Variants in ZNF667 observed in about 807,000 individuals in gnomAD.
The protein encoded by ZNF667 is zinc finger protein 667.
Under a neutral mutation model 31.8 loss-of-function variants are expected in ZNF667, and 13 were observed. That is an observed-to-expected ratio of 0.41 (90% CI 0.27 to 0.65). The LOEUF is 0.65. ZNF667 is among the 30% of genes least tolerant of loss of function. ZNF667 has a pLI of 0.32. For synonymous variants in ZNF667, 228 were observed against 247.1 expected (o/e 0.92, Z 0.73); for missense variants, 642 against 725.6 (o/e 0.88, Z 1.32).
intron 6 of ZNF667, among the ~76,000 whole-genome samples, chr19:56,447,712 C>G (rs1338722578): frequency 1.3e-5 from 2 of 152,098 alleles, no homozygotes; most frequent in Non-Finnish European, 2.9e-5. Flanking sequence ...GAAACCCCAT[C>G]TCTACTAAAA....
In ZNF667 at chr19:56,441,502, G is replaced by A; in HGVS notation, c.1493C>T (p.Pro498Leu). ...RHKRIHTEDR[P>L]YECDQCGKAF... ...CTTCCCACACTGATCACATTCATAG[G>A]GTCTATCTTCAGTATGAATTCTCTT... The change falls in exon 7 of 7, where the codon CCC becomes CTC. Residue 498 changes from proline to leucine, a missense_variant. By Grantham distance (98) the Pro-to-Leu change is moderately conservative (BLOSUM62 -3). Transcript: ENST00000504904. The surrounding 1 kb of genome is among the most constrained non-coding windows in gnomAD (Gnocchi z 4.2). 6.2e-7 allele frequency: 1 copy of A among 1,614,092 alleles called. No individual in the cohort carries two copies. Among genetic ancestry groups the A allele is most frequent in the African/African-American group, 1.3e-5 (1 of 75,008 alleles).
chr19:56,468,387 G>C (rs985863909), intron 3 of ZNF667: 1 of 152,166 alleles, frequency 6.6e-6, no homozygotes, highest in African/African-American at 2.4e-5. Flanking sequence ...TTCAGTGAAA[G>C]GCTCATCAGA....
In ZNF667 at chr19:56,471,963, A is replaced by G. The variant is rs1043984376; in HGVS notation, c.-324T>C. ...CTGAATCATGGGGGCGGTTTCCCCC[A>G]TGCTGTTCTCATGGCAGTGAGTAAG... On this transcript the variant is annotated 5_prime_UTR_variant, in exon 3 of 7. It removes an upstream start codon present in the reference 5' UTR. Transcript: ENST00000504904. 5.3e-5 allele frequency: 8 copies of G among 152,188 alleles called. No homozygotes were observed. The highest frequency in any genetic ancestry group is 2.6e-4 in the Admixed American group (4 of 15,280). 9.4% of individuals were successfully genotyped at this position (152,188 alleles called of 1,614,324 possible).
chr19:56,476,807 G>A (rs1044515040), intron 1 of ZNF667: 2 of 152,792 alleles, frequency 1.3e-5, no homozygotes, highest in African/African-American at 4.8e-5. Context: ...GCCCAGGCAA[G>A]TCACACAGTA....
chr19:56,458,786 C>A (rs1465885741), intron 5 of ZNF667, among the ~76,000 whole-genome samples: 3 of 152,172 alleles, frequency 2.0e-5, no homozygotes, highest in Non-Finnish European at 4.4e-5. Context: ...CATAACTTAC[C>A]CTCTGCATCT....
Position 56,441,515 on chromosome 19 carries a change from T to C in ZNF667, c.1480A>G (p.Thr494Ala), listed in dbSNP as rs1330411481. The C allele has an allele frequency of 1.9e-6, 3 of 1,614,142 alleles. No individual in the cohort carries two copies. The highest frequency in any genetic ancestry group is 3.3e-5 in the Admixed American group (2 of 60,018). ...TCACATTCATAGGGTCTATCTTCAG[T>C]ATGAATTCTCTTATGTCGTGTGAGA... ...ISLTRHKRIH[T>A]EDRPYECDQC... Residue 494 changes from threonine (T) to alanine (A), a missense_variant, in exon 7 of 7, where the codon ACT (threonine) becomes GCT (alanine). Thr to Ala is a moderately conservative substitution (Grantham distance 58). Coordinates refer to ENST00000504904, the MANE Select transcript of ZNF667 (RefSeq NM_001321356.2). This position sits in a 1 kb window ranked among gnomAD's most constrained non-coding sequence, Gnocchi z 4.2.
intron 5 of ZNF667, among the ~76,000 whole-genome samples, chr19:56,459,646 T>C (rs1486274891): frequency 6.6e-6 from 1 of 152,214 alleles, no homozygotes; most frequent in Non-Finnish European, 1.5e-5. Context: ...CTGTGTTACA[T>C]CAATGTCCAC....
intron 5 of ZNF667, among the ~76,000 whole-genome samples, chr19:56,460,206 G>A (rs981172689): frequency 2.0e-5 from 3 of 152,134 alleles, no homozygotes; most frequent in Non-Finnish European, 4.4e-5. Context: ...ACAAAATGTG[G>A]TCTATCCATA....
At position 56,460,768 on chromosome 19, in the gene ZNF667, C is replaced by G; in HGVS notation, c.81G>C (p.Glu27Asp). 6.2e-7 allele frequency: 1 copy of G among 1,612,024 alleles called. No individual in the cohort carries two copies. The highest frequency in any genetic ancestry group is 8.5e-7 in the Non-Finnish European group (1 of 1,179,196). The change falls in exon 5 of 7, where the codon GAG becomes GAC. Residue 27 changes from glutamate (E) to aspartate (D), a missense_variant. Physicochemically the swap from Glu to Asp is conservative, Grantham distance 45. Coordinates refer to ENST00000504904, the MANE Select transcript of ZNF667 (RefSeq NM_001321356.2). Reference protein sequence around the residue: ...GDLAIYFSQEEWEWLSPIQKD... With the variant: ...GDLAIYFSQEDWEWLSPIQKD... ...TCTGAATGGGGCTCAGCCATTCCCACTCCTCCTGGGAGAAGTAGATGGCTA... is the reference window on the plus strand; with the variant it reads ...TCTGAATGGGGCTCAGCCATTCCCAGTCCTCCTGGGAGAAGTAGATGGCTA...
chr19:56,452,532 G>C (rs1181856237), intron 6 of ZNF667, among the ~76,000 whole-genome samples: 1 of 152,008 alleles, frequency 6.6e-6, no homozygotes, highest in African/African-American at 2.4e-5. Flanking sequence ...GCATCTTAAA[G>C]AACTAGAAAA....
intron 6 of ZNF667, among the ~76,000 whole-genome samples, chr19:56,446,117 A>G (rs1479118607): frequency 6.6e-6 from 1 of 152,258 alleles, no homozygotes; most frequent in African/African-American, 2.4e-5. Context: ...CTCACATTAT[A>G]TTTCTATTTC....
chr19:56,452,762 A>C (rs2042858633), intron 6 of ZNF667, among the ~76,000 whole-genome samples: 1 of 152,110 alleles, frequency 6.6e-6, no homozygotes, highest in Non-Finnish European at 1.5e-5. Flanking sequence ...TCTACTAAAA[A>C]TACAAAAATT....
At chr19:56,458,905 G>C (rs1047882719) in intron 5 of ZNF667, among the ~76,000 whole-genome samples, 7 of 152,198 alleles carry the variant, frequency 4.6e-5, no homozygotes, top group African/African-American at 1.7e-4. Context: ...GCAAATGACT[G>C]AACTTGAGGA....
rs531057845 is a variant in ZNF667, at chr19:56,448,562, C to T, written c.254-5821G>A. ...AACTCTCTCCCAACTCCAGGCAGCA[C>T]AGCTGGCAGCTCCAAGGGGAGAGGG... On this transcript the variant is annotated intron_variant, in intron 6 of 6. Transcript: ENST00000504904. Among the ~76,000 whole-genome samples, 68 of 151,996 alleles carry T rather than the reference C, an allele frequency of 4.5e-4. 1 individual carries two copies. Among genetic ancestry groups the T allele is most frequent in the Admixed American group, 3.8e-3 (58 of 15,272 alleles).
intron 6 of ZNF667, among the ~76,000 whole-genome samples, chr19:56,447,149 T>A (rs2042725029): frequency 7.0e-6 from 1 of 143,436 alleles, no homozygotes. Context: ...CACACAAAAA[T>A]GAAAAAAACT....
At chr19:56,442,940 G>A (rs745567425) in intron 6 of ZNF667, among the ~76,000 whole-genome samples, 199 bp from the exon 7 acceptor site, 2 of 152,126 alleles carry the variant, frequency 1.3e-5, no homozygotes, top group Non-Finnish European at 2.9e-5. Flanking sequence ...GTTCAGAAGA[G>A]TGTAATTTGA....
In ZNF667 at chr19:56,466,908, T is replaced by A. The variant is rs2043172944; in HGVS notation, c.-59-4479A>T. On this transcript the variant is annotated intron_variant, in intron 3 of 6. Transcript: ENST00000504904. ...GCTCCTTACAGTTTCCCATTCCTTC[T>A]CCTGCTTTCTGAGAACACCCTACTC... 5 of 427,626 alleles carry A rather than the reference T, an allele frequency of 1.2e-5. 1 individual carries two copies. The Admixed American group carries it at 1.3e-4, about 11-fold the overall frequency. The allele number at this position is 427,626 out of a possible 1,614,324, so 26.5% of individuals were successfully genotyped here.
At chr19:56,449,982 T>C (rs551426928) in intron 6 of ZNF667, among the ~76,000 whole-genome samples, 1 of 151,464 alleles carries the variant, frequency 6.6e-6, no homozygotes. Flanking sequence ...CAGGATCTAG[T>C]ATATAGACCC....
At position 56,441,160 on chromosome 19, in the gene ZNF667, C is replaced by T. The variant is rs2042591445; in HGVS notation, c.*2G>A. 1 of 1,598,954 alleles carries T rather than the reference C, an allele frequency of 6.3e-7. No individual in the cohort carries two copies. ...CGTTGATTTTATAGATTTAAAACAA[C>T]CTTAGGCTTTTTCTTCAGAATGTGT... is the stretch of plus-strand genomic sequence containing the variant. On this transcript the variant is annotated 3_prime_UTR_variant, in exon 7 of 7. Coordinates refer to ENST00000504904, the MANE Select transcript of ZNF667 (RefSeq NM_001321356.2). The surrounding 1 kb of genome is among the most constrained non-coding windows in gnomAD (Gnocchi z 4.2).
Sources: gnomAD v4.1 joint callset for allele counts (sites outside exome capture counted in the v4.1 genomes callset) on GRCh38, gnomAD v4.1.1 for gene constraint, Gnocchi (gnomAD v3.1) non-coding constraint, MANE v1.5 for transcripts, NCBI Gene and HGNC (gene_info 2026-07-23, HGNC 2026-07-21) for gene names.